The following SPIRE1 variants were observed in gnomAD, a reference collection of about 807,000 sequenced individuals.
The protein encoded by SPIRE1 is protein spire homolog 1.
In SPIRE1, 40 loss-of-function variants were observed where a neutral mutation model predicts 94.1. The observed-to-expected ratio is 0.43, with a 90% confidence interval of 0.33 to 0.55. SPIRE1 has a LOEUF of 0.55. SPIRE1 is among the 20% of genes least tolerant of loss of function. The pLI, the probability that SPIRE1 is intolerant of heterozygous loss-of-function variation, is 0.06. For missense variants in SPIRE1, 838 were observed against 975.2 expected, an observed-to-expected ratio of 0.86 and a Z score of 1.87; for synonymous variants, 376 against 371.7, an observed-to-expected ratio of 1.01 and a Z score of -0.13.
chr18:12,485,334 TGACCTTAA>T (rs2032998829), intron 9 of SPIRE1, among the ~76,000 whole-genome samples: 1 of 152,136 alleles, frequency 6.6e-6, no homozygotes, highest in African/African-American at 2.4e-5. Context: ...CTCCATCTCC[TGACCTTAA>T]GATCCGCCCA....
intron 4 of SPIRE1, among the ~76,000 whole-genome samples, chr18:12,527,500 G>A (rs189638507): frequency 1.3e-5 from 2 of 152,138 alleles, no homozygotes; most frequent in Admixed American, 1.3e-4. Context: ...GCTTAGAGCT[G>A]CTGCAGAAGG....
At position 12,484,399 on chromosome 18, in the gene SPIRE1, T is replaced by C. The variant is rs974423010; in HGVS notation, c.1231+1560A>G. ...AAAAATTCCAAATGAATAAAGAAAA[T>C]AGAAAAAGCTCTTCAGTGGTCAGTC... On this transcript the variant is annotated intron_variant, in intron 9 of 16. Coordinates refer to ENST00000409402, the MANE Select transcript of SPIRE1 (RefSeq NM_001128626.2). Among the ~76,000 whole-genome samples, 9 of 151,978 alleles carry C rather than the reference T, an allele frequency of 5.9e-5. No homozygotes were observed. In the East Asian group the frequency reaches 7.7e-4, roughly 13 times the overall value.
intron 8 of SPIRE1, among the ~76,000 whole-genome samples, chr18:12,488,518 G>T (rs1003426059): frequency 5.3e-5 from 8 of 152,004 alleles, no homozygotes; most frequent in African/African-American, 1.9e-4. Context: ...CAATTTAATG[G>T]AATGTAAATA....
At chr18:12,543,575 TA>T (rs147893104) in intron 3 of SPIRE1, among the ~76,000 whole-genome samples, 1,696 of 152,282 alleles carry the variant, frequency 0.011, 35 homozygotes, top group African/African-American at 0.038. Flanking sequence ...AGTGTTACCC[TA>T]AGGCTCCAGT....
At chr18:12,612,385 C>T (rs973824856) in intron 2 of SPIRE1, among the ~76,000 whole-genome samples, 3 of 152,116 alleles carry the variant, frequency 2.0e-5, no homozygotes, top group Admixed American at 1.3e-4. Flanking sequence ...CCTCCTGTCT[C>T]GCCATCCTCT....
intron 10 of SPIRE1, among the ~76,000 whole-genome samples, chr18:12,478,533 G>A (rs1196299385): frequency 4.3e-5 from 6 of 140,086 alleles, no homozygotes; most frequent in Non-Finnish European, 9.7e-5. Context: ...ATGTGTGTGT[G>A]TAGCTAGGGT....
chr18:12,526,362 C>T (rs571744380), intron 4 of SPIRE1, among the ~76,000 whole-genome samples: 2 of 152,288 alleles, frequency 1.3e-5, no homozygotes, highest in East Asian at 1.9e-4. Context: ...GTCTCAGCTT[C>T]GAAGTTACTT....
chr18:12,449,547 A>C lies in SPIRE1; in HGVS notation c.*91T>G. On this transcript the variant is annotated 3_prime_UTR_variant, in exon 17 of 17. Coordinates refer to ENST00000409402, the MANE Select transcript of SPIRE1 (RefSeq NM_001128626.2). ...TCTAATGCAAATTCAAGCCCATTAAATAAAACCACAGAAAGGAGAGCCAGC... is the reference window on the plus strand; with the variant it reads ...TCTAATGCAAATTCAAGCCCATTAACTAAAACCACAGAAAGGAGAGCCAGC... 1 of 1,347,002 alleles carries C rather than the reference A, an allele frequency of 7.4e-7. No homozygotes were observed. The highest frequency in any genetic ancestry group is 1.5e-5 in the African/African-American group (1 of 68,146). 83.4% of individuals were successfully genotyped at this position (1,347,002 alleles called of 1,614,324 possible).
chr18:12,598,931 A>C (rs2036755558), intron 2 of SPIRE1, among the ~76,000 whole-genome samples: 1 of 152,154 alleles, frequency 6.6e-6, no homozygotes, highest in African/African-American at 2.4e-5. Context: ...ACTTACAGAA[A>C]CGCCTCAAAA....
rs76586502 is a variant in SPIRE1 at position 12,545,599 on chromosome 18, T to C, written c.603+1075A>G. Among the ~76,000 whole-genome samples, 1,345 of 152,344 alleles carry C rather than the reference T, an allele frequency of 8.8e-3. 27 individuals are homozygous for C. Among genetic ancestry groups the C allele is most frequent in the African/African-American group, 0.031 (1,299 of 41,584 alleles). On this transcript the variant is annotated intron_variant, in intron 3 of 16. Coordinates refer to ENST00000409402, the MANE Select transcript of SPIRE1 (RefSeq NM_001128626.2). ...ATTTGACAGATCTGTTTGATGTTAA[T>C]CTCTGTACATTTGGCATGGTAGAAA...
At chr18:12,584,948 G>A (rs2036353577) in intron 2 of SPIRE1, among the ~76,000 whole-genome samples, 1 of 152,034 alleles carries the variant, frequency 6.6e-6, no homozygotes, top group Non-Finnish European at 1.5e-5. Context: ...TGGGAATACA[G>A]GCATGTGCCA....
At chr18:12,619,662 A>G (rs1266329794) in intron 2 of SPIRE1, among the ~76,000 whole-genome samples, 1 of 152,064 alleles carries the variant, frequency 6.6e-6, no homozygotes, top group African/African-American at 2.4e-5. Context: ...CCTGGCCAAC[A>G]CAGTGAAACC....
intron 6 of SPIRE1, among the ~76,000 whole-genome samples, chr18:12,501,072 CAAAAAAAAAAAAAAAAAAAA>C: frequency 2.5e-5 from 2 of 80,262 alleles, no homozygotes; most frequent in Admixed American, 3.3e-4. Flanking sequence ...AACTCTGTCT[CAAAAAAAAAAAAAAAAAAAA>C]AAAGAAAAAA....
At chr18:12,461,559 G>T (rs886761453) in intron 12 of SPIRE1, among the ~76,000 whole-genome samples, 2 of 141,384 alleles carry the variant, frequency 1.4e-5, no homozygotes, top group Non-Finnish European at 3.0e-5. Flanking sequence ...ACATACATGC[G>T]TGTATATGTA....
intron 3 of SPIRE1, among the ~76,000 whole-genome samples, chr18:12,543,204 T>C (rs987095817): frequency 2.0e-5 from 3 of 152,234 alleles, no homozygotes; most frequent in African/African-American, 7.2e-5. Context: ...TTCTGCCTGA[T>C]GTATACTCTT....
chr18:12,550,560 C>A (rs1023720408), intron 2 of SPIRE1, among the ~76,000 whole-genome samples: 2 of 151,972 alleles, frequency 1.3e-5, no homozygotes, highest in African/African-American at 4.8e-5. Context: ...TGAGGTCTTG[C>A]TATGTTGCGC....
At chr18:12,474,080 C>G (rs746036514) in intron 10 of SPIRE1, among the ~76,000 whole-genome samples, 5 of 152,188 alleles carry the variant, frequency 3.3e-5, no homozygotes, top group Non-Finnish European at 7.3e-5. Context: ...AAACCAAAAA[C>G]ATTGCTAGAA....
intron 2 of SPIRE1, among the ~76,000 whole-genome samples, chr18:12,551,467 C>T (rs1214560483): frequency 1.3e-5 from 2 of 151,980 alleles, no homozygotes; most frequent in East Asian, 1.9e-4. Flanking sequence ...TTTGGGAGGC[C>T]GAGGCGGGCA....
At chr18:12,618,978 A>T (rs1346465639) in intron 2 of SPIRE1, among the ~76,000 whole-genome samples, 1 of 151,750 alleles carries the variant, frequency 6.6e-6, no homozygotes, top group African/African-American at 2.4e-5. Flanking sequence ...TCTGCCTCCC[A>T]GGTTCAAGTG....
Sources: gnomAD v4.1 joint callset for allele counts (sites outside exome capture counted in the v4.1 genomes callset) on GRCh38, gnomAD v4.1.1 for gene constraint, MANE v1.5 for transcripts, NCBI Gene and HGNC (gene_info 2026-07-23, HGNC 2026-07-21) for gene names.